The following BANP variants were observed in gnomAD, a reference collection of about 807,000 sequenced individuals.
BANP encodes the protein protein BANP.
BANP carries 11 observed loss-of-function variants against 68.1 expected under a neutral mutation model. The observed-to-expected ratio is 0.16, with a 90% CI of 0.10 to 0.27. The LOEUF (loss-of-function observed/expected upper bound fraction) is 0.27, where lower values mean the gene tolerates loss of function less well. Among genes scored for constraint, BANP ranks in the 10% least tolerant of loss-of-function variants. The pLI is 1.00. For synonymous variants in BANP, 329 were observed against 303.2 expected (o/e 1.09, Z -0.88); for missense variants, 504 against 722.7 (o/e 0.70, Z 3.47).
chr16:88,010,270 C>G (rs1286123665), intron 6 of BANP, among the ~76,000 whole-genome samples: 5 of 152,220 alleles, frequency 3.3e-5, no homozygotes, highest in African/African-American at 4.8e-5. Context: ...GTTTAAATTT[C>G]TGCTGTGTAT....
chr16:88,072,630 G>A (rs1488537618), intron 13 of BANP, among the ~76,000 whole-genome samples: 2 of 152,246 alleles, frequency 1.3e-5, no homozygotes, highest in East Asian at 1.9e-4. Context: ...TAGCGTCCAC[G>A]AAAACAAAGC....
rs2085820337 is a variant in BANP at position 88,058,671 on chromosome 16, CG to C, written c.1312-6592del. ...CAGATGAAACGTGTGTGTCCTGCCCCGGGGTTTGTAGGAAGCCTGTGGTATC... is the reference window on the plus strand; with the variant it reads ...CAGATGAAACGTGTGTGTCCTGCCCCGGGTTTGTAGGAAGCCTGTGGTATC... On this transcript the variant is annotated intron_variant, in intron 11 of 13. Transcript: ENST00000682872. Among the ~76,000 whole-genome samples the C allele has an allele frequency of 2.0e-5, 3 of 152,124 alleles. No homozygotes were observed. The South Asian group carries it at 6.2e-4, about 32-fold the overall frequency.
At chr16:87,963,954 G>A (rs981379222) in intron 1 of BANP, among the ~76,000 whole-genome samples, 24 of 152,160 alleles carry the variant, frequency 1.6e-4, no homozygotes, top group Non-Finnish European at 3.5e-4. Context: ...AATAGTAATA[G>A]CAAAATTAAA....
At chr16:87,952,819 G>A (rs1388821526) in intron 1 of BANP, 2 of 152,156 alleles carry the variant, frequency 1.3e-5, no homozygotes, top group African/African-American at 4.8e-5. Context: ...CGGTCCCCGA[G>A]ACTGGAATGC....
At chr16:88,076,465 G>T in intron 13 of BANP, 125 bp from the exon 14 acceptor site, 2 of 766,542 alleles carry the variant, frequency 2.6e-6, no homozygotes, top group Admixed American at 2.9e-5. Context: ...GGCCGTCAGG[G>T]CTCCTTCGCG....
intron 4 of BANP, among the ~76,000 whole-genome samples, chr16:87,984,720 TG>T (rs1225556856): frequency 2.0e-5 from 3 of 152,372 alleles, no homozygotes; most frequent in Non-Finnish European, 2.9e-5. Flanking sequence ...GAAAGCTGTG[TG>T]GTAGTTTGCA....
chr16:88,022,462 C>G (rs1042483570), intron 7 of BANP, among the ~76,000 whole-genome samples: 2 of 152,212 alleles, frequency 1.3e-5, no homozygotes, highest in African/African-American at 4.8e-5. Context: ...GTTGACCTGT[C>G]AGATGATTGT....
intron 1 of BANP, among the ~76,000 whole-genome samples, chr16:87,968,898 A>G (rs141778997): frequency 3.7e-4 from 56 of 152,350 alleles, no homozygotes; most frequent in African/African-American, 1.3e-3. Flanking sequence ...AAAAAGTGAT[A>G]AATGCACAGG....
chr16:87,988,308 GGCTAGAGTGCAAT>G, intron 4 of BANP, among the ~76,000 whole-genome samples: 1 of 152,154 alleles, frequency 6.6e-6, no homozygotes, highest in Non-Finnish European at 1.5e-5. Context: ...CTGTTGCCCA[GGCTAGAGTGCAAT>G]GGCATGATCT....
At chr16:87,963,610 T>A (rs1253068879) in intron 1 of BANP, 1 of 152,158 alleles carries the variant, frequency 6.6e-6, no homozygotes, top group Non-Finnish European at 1.5e-5. Flanking sequence ...TTCTTAAGGG[T>A]TGATGGAAGA....
At chr16:87,952,362 C>G (rs1291699789) in intron 1 of BANP, 1 of 152,238 alleles carries the variant, frequency 6.6e-6, no homozygotes, top group African/African-American at 2.4e-5. Context: ...GGGTAGCGAG[C>G]TTGCACCCTG....
Position 88,002,643 on chromosome 16 carries a change from C to T in BANP, c.363-1652C>T, listed in dbSNP as rs1224753916. 1.3e-5 allele frequency among the ~76,000 whole-genome samples: 2 copies of T among 152,022 alleles called. No individual in the cohort carries two copies. Among genetic ancestry groups the T allele is most frequent in the Non-Finnish European group, 2.9e-5 (2 of 68,016 alleles). ...AGCCCCCCAGAAGCTGTGGGGCACCCGAGGGGCACATTATTCCAGTTGGGA... is the reference window on the plus strand; with the variant it reads ...AGCCCCCCAGAAGCTGTGGGGCACCTGAGGGGCACATTATTCCAGTTGGGA... On this transcript the variant is annotated intron_variant, in intron 4 of 13. Transcript: ENST00000682872. The surrounding 1 kb of genome is among the most constrained non-coding windows in gnomAD (Gnocchi z 4.6).
chr16:88,007,699 A>G (rs1465832454), intron 6 of BANP, among the ~76,000 whole-genome samples: 1 of 152,272 alleles, frequency 6.6e-6, no homozygotes, highest in African/African-American at 2.4e-5. Flanking sequence ...TGCTTTGTCT[A>G]GTGAACAAAG....
At chr16:88,034,940 G>C (rs2078991432) in intron 9 of BANP, 1 of 174,230 alleles carries the variant, frequency 5.7e-6, no homozygotes, top group Non-Finnish European at 1.2e-5. Flanking sequence ...ACTCTTCTGA[G>C]TAGTAGCATG....
At chr16:88,043,252 T>C (rs1243032222) in intron 11 of BANP, among the ~76,000 whole-genome samples, 2 of 152,206 alleles carry the variant, frequency 1.3e-5, no homozygotes, top group Non-Finnish European at 1.5e-5. Context: ...TGGTCATGGC[T>C]CCAGGCATGG....
intron 6 of BANP, among the ~76,000 whole-genome samples, chr16:88,016,025 C>T (rs567241406): frequency 2.0e-5 from 3 of 152,368 alleles, no homozygotes; most frequent in Non-Finnish European, 2.9e-5. Context: ...TGGGCCTCCG[C>T]AGCCTCTGCT....
intron 7 of BANP, among the ~76,000 whole-genome samples, chr16:88,021,566 G>T (rs894405611): frequency 1.3e-5 from 2 of 152,230 alleles, no homozygotes; most frequent in Non-Finnish European, 2.9e-5. Context: ...CGTGGCTCGT[G>T]CTTAGACGGA....
intron 1 of BANP, chr16:87,966,923 G>A (rs980629941): frequency 6.6e-6 from 1 of 152,334 alleles, no homozygotes; most frequent in African/African-American, 2.4e-5. Flanking sequence ...TGGACGGGAG[G>A]GGCCTGGGCT....
At chr16:88,054,928 TA>T (rs1476813348) in intron 11 of BANP, among the ~76,000 whole-genome samples, 1 of 152,202 alleles carries the variant, frequency 6.6e-6, no homozygotes, top group Admixed American at 6.5e-5. Context: ...ACTCTGTTCC[TA>T]GGGGGTATTA....
Sources: allele counts gnomAD v4.1 joint callset (sites outside exome capture counted in the v4.1 genomes callset), GRCh38; gene constraint gnomAD v4.1.1; non-coding constraint Gnocchi (gnomAD v3.1); transcripts MANE v1.5; gene names NCBI Gene and HGNC (gene_info 2026-07-23, HGNC 2026-07-21).